The following GRK5 variants were observed in gnomAD, a reference collection of about 807,000 sequenced individuals.
GRK5 encodes the protein g protein-coupled receptor kinase GRK5.
A neutral mutation model predicts 78.4 loss-of-function variants in GRK5; 40 were observed. The ratio of observed to expected loss-of-function variants is 0.51; its 90% CI spans 0.40 to 0.66. The LOEUF is 0.66. Among genes scored for constraint, GRK5 ranks in the 30% least tolerant of loss-of-function variants. The pLI is 0.00. For missense variants in GRK5, 598 were observed against 759.9 expected, an observed-to-expected ratio of 0.79 and a Z score of 2.50; for synonymous variants, 289 against 296.8, an observed-to-expected ratio of 0.97 and a Z score of 0.27.
At chr10:119,344,999 C>T (rs373547125) in intron 2 of GRK5, among the ~76,000 whole-genome samples, 3 of 144,828 alleles carry the variant, frequency 2.1e-5, no homozygotes, top group Non-Finnish European at 4.5e-5. Context: ...GATGGAATCT[C>T]GCTCTGTCTC....
intron 3 of GRK5, 56 bp from the exon 4 acceptor site, chr10:119,396,639 C>A: frequency 1.4e-6 from 2 of 1,410,884 alleles, no homozygotes; most frequent in East Asian, 2.3e-5. Context: ...GGTTCTGTAA[C>A]TATAAGAAGC....
At chr10:119,433,900 T>G (rs1157041445) in intron 8 of GRK5, among the ~76,000 whole-genome samples, 2 of 152,298 alleles carry the variant, frequency 1.3e-5, no homozygotes, top group East Asian at 3.9e-4. Flanking sequence ...AAGATATAAC[T>G]GAGACTGAGC....
chr10:119,392,047 C>G (rs1477034373), intron 3 of GRK5, among the ~76,000 whole-genome samples: 2 of 152,150 alleles, frequency 1.3e-5, no homozygotes, highest in Admixed American at 6.5e-5. Flanking sequence ...GAAAACGTGG[C>G]AGGTTCTTAA....
intron 1 of GRK5, among the ~76,000 whole-genome samples, chr10:119,298,687 C>A (rs1850123825): frequency 6.6e-6 from 1 of 151,934 alleles, no homozygotes; most frequent in Admixed American, 6.6e-5. Flanking sequence ...CTTCAGTGCA[C>A]CCCCAGGACC....
At position 119,443,701 on chromosome 10, in the gene GRK5, G is replaced by A; in HGVS notation, c.1215G>A (p.Glu405=). 2 of 1,612,778 alleles carry A rather than the reference G, an allele frequency of 1.2e-6. No individual in the cohort carries two copies. Among genetic ancestry groups the A allele is most frequent in the Non-Finnish European group, 1.7e-6 (2 of 1,179,246 alleles). The change falls in exon 12 of 16, where the codon GAG becomes GAA. Residue 405 remains glutamate (E), a synonymous_variant. Transcript: ENST00000392870. The stretch of plus-strand genomic sequence containing the variant: ...TGGACCGCCGGGTCCTGGAGACGGA[G>A]GAGGTGTACTCCCACAAGTTCTCCG... ...EEVDRRVLET[E]EVYSHKFSEE...
chr10:119,338,698 C>T (rs1850934369), intron 2 of GRK5, among the ~76,000 whole-genome samples: 1 of 151,968 alleles, frequency 6.6e-6, no homozygotes, highest in African/African-American at 2.4e-5. Flanking sequence ...TCACCTAGTA[C>T]CCTCAACCCA....
intron 6 of GRK5, among the ~76,000 whole-genome samples, chr10:119,425,680 C>T (rs1228463643): frequency 6.6e-6 from 1 of 152,232 alleles, no homozygotes; most frequent in Non-Finnish European, 1.5e-5. Context: ...ATGCTGTTCT[C>T]GTCTTTTCCT....
intron 1 of GRK5, among the ~76,000 whole-genome samples, chr10:119,276,266 C>A (rs556402373): frequency 6.6e-5 from 10 of 152,078 alleles, no homozygotes; most frequent in African/African-American, 1.4e-4. Flanking sequence ...ATCCCTCCCC[C>A]CTCCTCCCAC....
In GRK5 at chr10:119,253,651, C is replaced by T. The variant is rs550303869; in HGVS notation, c.52+45682C>T. On this transcript the variant is annotated intron_variant, in intron 1 of 15. Transcript: ENST00000392870. The surrounding 1 kb of genome is among the most constrained non-coding windows in gnomAD (Gnocchi z 5.7). The stretch of plus-strand genomic sequence containing the variant: ...ATAAAAATGGTGTGAGTGGCCAGCT[C>T]TTTTTTCACTGTGGCTCTGGGCAGC... Among the ~76,000 whole-genome samples the T allele has an allele frequency of 2.6e-5, 4 of 152,194 alleles. No homozygotes were observed. Among genetic ancestry groups the T allele is most frequent in the Non-Finnish European group, 5.9e-5 (4 of 68,046 alleles).
intron 1 of GRK5, among the ~76,000 whole-genome samples, chr10:119,269,019 A>G (rs1302173737): frequency 1.3e-5 from 2 of 152,252 alleles, no homozygotes; most frequent in African/African-American, 4.8e-5. Flanking sequence ...TTCCTGTCAC[A>G]GGCAGATGAC....
chr10:119,424,857 C>T lies in GRK5; in HGVS notation c.441-136C>T, dbSNP rs1233428444. 1.2e-5 allele frequency: 8 copies of T among 671,842 alleles called. No individual in the cohort carries two copies. In the East Asian group the frequency reaches 1.9e-4, roughly 16 times the overall value. 41.6% of individuals were successfully genotyped at this position (671,842 alleles called of 1,614,324 possible). A position where few individuals can be genotyped will look rare whatever the true frequency, so the allele number is the denominator to read the frequency against. On this transcript the variant is annotated intron_variant, in intron 5 of 15. Transcript: ENST00000392870. Reference sequence around the variant, plus strand: ...ACAACCCTCAGTAGAATGGCAGGACCTCTGGCCAGACGTGCTGCATCTGCA... The same window carrying T: ...ACAACCCTCAGTAGAATGGCAGGACTTCTGGCCAGACGTGCTGCATCTGCA...
intron 2 of GRK5, among the ~76,000 whole-genome samples, chr10:119,369,248 A>C (rs572856407): frequency 2.6e-5 from 4 of 152,300 alleles, no homozygotes; most frequent in African/African-American, 9.6e-5. Context: ...TACAAGGAGA[A>C]AAAAGGTTGT....
intron 1 of GRK5, among the ~76,000 whole-genome samples, chr10:119,242,672 T>C (rs930991836): frequency 6.6e-6 from 1 of 151,960 alleles, no homozygotes; most frequent in African/African-American, 2.4e-5. Flanking sequence ...ATCATGGGGA[T>C]GGTTTCCACC....
intron 1 of GRK5, among the ~76,000 whole-genome samples, chr10:119,257,487 G>C (rs959606250): frequency 2.0e-5 from 3 of 152,168 alleles, no homozygotes; most frequent in Non-Finnish European, 4.4e-5. Flanking sequence ...ACTTTGGAAG[G>C]CGGAGGTGGG....
intron 2 of GRK5, among the ~76,000 whole-genome samples, chr10:119,345,339 G>C (rs1851073325): frequency 6.6e-6 from 1 of 152,188 alleles, no homozygotes; most frequent in African/African-American, 2.4e-5. Flanking sequence ...TGAGAGGAGT[G>C]GTTCCCAGCC....
chr10:119,383,642 G>T (rs113269612), intron 3 of GRK5, among the ~76,000 whole-genome samples: 1 of 152,232 alleles, frequency 6.6e-6, no homozygotes, highest in African/African-American at 2.4e-5. Flanking sequence ...AACATGTTGC[G>T]TGTGTATTGT....
At chr10:119,363,507 C>T (rs1851398040) in intron 2 of GRK5, among the ~76,000 whole-genome samples, 1 of 152,188 alleles carries the variant, frequency 6.6e-6, no homozygotes, top group South Asian at 2.1e-4. Flanking sequence ...TAACATTGGC[C>T]TAAACAAGGT....
intron 2 of GRK5, among the ~76,000 whole-genome samples, chr10:119,338,253 C>G (rs1564896719): frequency 6.6e-6 from 1 of 152,220 alleles, no homozygotes; most frequent in Non-Finnish European, 1.5e-5. Flanking sequence ...CAGTGGACCA[C>G]AGGAATGTCT....
intron 1 of GRK5, among the ~76,000 whole-genome samples, chr10:119,290,993 G>A (rs1849945190): frequency 6.6e-6 from 1 of 152,138 alleles, no homozygotes; most frequent in South Asian, 2.1e-4. Flanking sequence ...GATTGTGGGA[G>A]AACAGGAGGG....
Sources: allele counts gnomAD v4.1 joint callset (sites outside exome capture counted in the v4.1 genomes callset), GRCh38; gene constraint gnomAD v4.1.1; non-coding constraint Gnocchi (gnomAD v3.1); transcripts MANE v1.5; gene names NCBI Gene and HGNC (gene_info 2026-07-23, HGNC 2026-07-21).